P4HA3: variants seen among roughly 807,000 people sequenced by gnomAD.
P4HA3 encodes the protein prolyl 4-hydroxylase subunit alpha-3.
Under a neutral mutation model 66.7 loss-of-function variants are expected in P4HA3, and 60 were observed. The observed-to-expected ratio is 0.90, with a 90% confidence interval of 0.73 to 1.12. The LOEUF is 1.12. P4HA3 is among the 50% of genes most tolerant of loss of function. P4HA3 has a pLI of 0.00. For missense variants in P4HA3, 683 were observed against 685.8 expected (o/e 1.00, Z 0.05); for synonymous variants, 263 against 274.6 (o/e 0.96, Z 0.42).
Position 74,268,112 on chromosome 11 carries a change from C to T in P4HA3, c.1564+33G>A, listed in dbSNP as rs766044870. 6 of 1,573,690 alleles carry T rather than the reference C, an allele frequency of 3.8e-6. No individual in the cohort carries two copies. The East Asian group carries it at 1.3e-4, about 35-fold the overall frequency. On this transcript the variant is annotated intron_variant, in intron 12 of 12. Transcript: ENST00000331597. ...GTTTCACTCTACTCTGCACCCTGTA[C>T]CCCCTTCTCATGCCCAGAAAGGCAA...
At chr11:74,309,589 C>T (rs1861667141) in intron 1 of P4HA3, among the ~76,000 whole-genome samples, 1 of 152,140 alleles carries the variant, frequency 6.6e-6, no homozygotes, top group African/African-American at 2.4e-5. Context: ...AAAATTCTGT[C>T]CTATTTCCAC....
chr11:74,298,634 T>C (rs1861302336), intron 3 of P4HA3, among the ~76,000 whole-genome samples: 6 of 152,136 alleles, frequency 3.9e-5, no homozygotes, highest in Admixed American at 3.9e-4. Context: ...ATATCATGAG[T>C]GCTCCAAAGA....
At chr11:74,264,516 A>G (rs1859958964), downstream of P4HA3, among the ~76,000 whole-genome samples, 2 of 152,140 alleles carry the variant, frequency 1.3e-5, no homozygotes, top group South Asian at 2.1e-4. Context: ...TCGTGGCCAC[A>G]TGGTTTCATG....
At chr11:74,263,377 T>A (rs1216963191), downstream of P4HA3, among the ~76,000 whole-genome samples, 1 of 152,150 alleles carries the variant, frequency 6.6e-6, no homozygotes, top group African/African-American at 2.4e-5. Context: ...CCTGGGAAAA[T>A]GTTGGAGACC....
intron 5 of P4HA3, chr11:74,287,244 G>A (rs1360867417): frequency 1.6e-6 from 2 of 1,289,156 alleles, no homozygotes; most frequent in South Asian, 1.2e-5. Flanking sequence ...TGCTCCCAAA[G>A]CATCTTTCTC....
chr11:74,268,370 C>A (rs1021195607), intron 11 of P4HA3, 129 bp from the exon 12 acceptor site: 1 of 741,980 alleles, frequency 1.3e-6, no homozygotes, highest in Non-Finnish European at 2.3e-6. Flanking sequence ...GCAATGCATG[C>A]ATAAAATGGC....
intron 15 of P4HA3, among the ~76,000 whole-genome samples, chr11:74,259,355 C>T (rs545516357): frequency 3.6e-4 from 55 of 152,212 alleles, no homozygotes; most frequent in Non-Finnish European, 7.1e-4. Flanking sequence ...TGCACTCCAG[C>T]CTGGGCGACA....
chr11:74,262,526 C>CTCCA (rs769067709), downstream of P4HA3, among the ~76,000 whole-genome samples: 26 of 152,178 alleles, frequency 1.7e-4, no homozygotes, highest in Non-Finnish European at 2.9e-4. Context: ...TTCCCCCAAG[C>CTCCA]TCCAGATCCT....
intron 4 of P4HA3, among the ~76,000 whole-genome samples, chr11:74,294,075 C>T (rs977098226): frequency 1.3e-5 from 2 of 152,234 alleles, no homozygotes; most frequent in African/African-American, 4.8e-5. Context: ...CTGTCACTTT[C>T]AAGTACACCA....
intron 4 of P4HA3, 52 bp downstream of exon 4, chr11:74,298,160 A>G: frequency 6.4e-7 from 1 of 1,572,980 alleles, no homozygotes; most frequent in South Asian, 1.2e-5. Context: ...AAGCAGCTAT[A>G]AAGGATTTCA....
Position 74,304,132 on chromosome 11 carries a change from A to G in P4HA3, c.343+138T>C, listed in dbSNP as rs1861503284. 4 of 1,129,222 alleles carry G rather than the reference A, an allele frequency of 3.5e-6. No homozygotes were observed. In the African/African-American group the frequency reaches 4.7e-5, roughly 13 times the overall value. The allele number at this position is 1,129,222 out of a possible 1,614,324, so 70.0% of individuals were successfully genotyped here. ...GCAAGCGGGCCTAATTCTTTGTGCT[A>G]GCTAGAGCTAAGGATATTAAGTAAT... is the stretch of plus-strand genomic sequence containing the variant. On this transcript the variant is annotated intron_variant, in intron 2 of 12. Coordinates refer to ENST00000331597, the MANE Select transcript of P4HA3 (RefSeq NM_182904.5).
intron 5 of P4HA3, 28 bp downstream of exon 5, chr11:74,289,051 G>T (rs2134775202): frequency 2.7e-6 from 4 of 1,489,474 alleles, no homozygotes; most frequent in Non-Finnish European, 2.7e-6. Context: ...CAGACCTGTG[G>T]CTGGCTTATC....
intron 15 of P4HA3, chr11:74,259,838 GT>G (rs1353367436): frequency 1.3e-5 from 2 of 152,164 alleles, no homozygotes; most frequent in African/African-American, 4.8e-5. Flanking sequence ...GGACATCTGG[GT>G]TTGCTTCCAC....
At chr11:74,304,185 T>A in intron 2 of P4HA3, 85 bp downstream of exon 2, 1 of 1,524,500 alleles carries the variant, frequency 6.6e-7, no homozygotes. Flanking sequence ...CCCTTTGAAA[T>A]CACATCCCAA....
chr11:74,263,921 G>A (rs569042023), downstream of P4HA3, among the ~76,000 whole-genome samples: 2 of 152,012 alleles, frequency 1.3e-5, no homozygotes, highest in Admixed American at 1.3e-4. Flanking sequence ...TTAGGAGTTC[G>A]AGAAAGAAAG....
At chr11:74,293,961 T>C (rs1861125560) in intron 4 of P4HA3, among the ~76,000 whole-genome samples, 1 of 152,188 alleles carries the variant, frequency 6.6e-6, no homozygotes, top group African/African-American at 2.4e-5. Context: ...CTTTGTGGCG[T>C]TCTGTGTATT....
intron 8 of P4HA3, among the ~76,000 whole-genome samples, 168 bp downstream of exon 8, chr11:74,279,220 G>A (rs1231140860): frequency 6.6e-6 from 1 of 152,160 alleles, no homozygotes; most frequent in African/African-American, 2.4e-5. Context: ...AACAACCTGG[G>A]AAAGGGGAGT....
chr11:74,271,761 G>A (rs1182729233), intron 10 of P4HA3, among the ~76,000 whole-genome samples: 1 of 152,126 alleles, frequency 6.6e-6, no homozygotes, highest in Non-Finnish European at 1.5e-5. Flanking sequence ...TATAAAATCA[G>A]TCTTAGGTTT....
At chr11:74,288,965 A>AG (rs1860901524) in intron 5 of P4HA3, 114 bp downstream of exon 5, 2 of 745,348 alleles carry the variant, frequency 2.7e-6, no homozygotes, top group East Asian at 3.4e-5. Flanking sequence ...AAAAAAAAAA[A>AG]AGATAATAAA....
Sources: allele counts gnomAD v4.1 joint callset (sites outside exome capture counted in the v4.1 genomes callset), GRCh38; gene constraint gnomAD v4.1.1; transcripts MANE v1.5; gene names NCBI Gene and HGNC (gene_info 2026-07-23, HGNC 2026-07-21).